The following CFAP251 variants were observed in gnomAD, a reference collection of about 807,000 sequenced individuals.
The protein encoded by CFAP251 is cilia and flagella associated protein 251.
CFAP251 carries 93 observed loss-of-function variants against 126.7 expected under a neutral mutation model. That is an observed-to-expected ratio of 0.73 (90% CI 0.62 to 0.87). CFAP251 has a LOEUF of 0.87. Among genes scored for constraint, CFAP251 ranks in the 40% least tolerant of loss-of-function variants. The pLI, the probability that CFAP251 is intolerant of heterozygous loss-of-function variation, is 0.00. For synonymous variants in CFAP251, 503 were observed against 506.9 expected (o/e 0.99, Z 0.10); for missense variants, 1,287 against 1,389.2 (o/e 0.93, Z 1.17).
At chr12:121,956,755 C>G (rs1881740848) in intron 10 of CFAP251, among the ~76,000 whole-genome samples, 1 of 152,182 alleles carries the variant, frequency 6.6e-6, no homozygotes, top group African/African-American at 2.4e-5. Context: ...CTTGGCCTCC[C>G]AAAGTGCTGG....
At chr12:121,967,958 G>T (rs777249815) in intron 16 of CFAP251, 48 bp from the exon 17 acceptor site, 3 of 1,544,328 alleles carry the variant, frequency 1.9e-6, no homozygotes, top group East Asian at 2.3e-5. Flanking sequence ...GGCCTCTCTC[G>T]GGCCCAGCTA....
intron 5 of CFAP251, among the ~76,000 whole-genome samples, chr12:121,939,517 G>A (rs899564798): frequency 1.3e-4 from 19 of 151,896 alleles, no homozygotes; most frequent in African/African-American, 3.9e-4. Context: ...GAGCTGCCCC[G>A]TTATGATGTG....
chr12:121,958,236 A>C, intron 11 of CFAP251, 36 bp from the exon 12 acceptor site: 1 of 1,609,806 alleles, frequency 6.2e-7, no homozygotes, highest in Non-Finnish European at 8.5e-7. Context: ...ATTCCCTGCA[A>C]ACACTGATAT....
intron 19 of CFAP251, among the ~76,000 whole-genome samples, chr12:121,985,874 G>A (rs1318224693): frequency 6.6e-6 from 1 of 152,160 alleles, no homozygotes; most frequent in African/African-American, 2.4e-5. Flanking sequence ...AGTGAGATTG[G>A]CCTGGTACTG....
At chr12:121,933,066 A>G (rs1880755029) in intron 4 of CFAP251, 1 of 152,286 alleles carries the variant, frequency 6.6e-6, no homozygotes, top group Non-Finnish European at 1.5e-5. Context: ...GTAGTAATGA[A>G]CAAAACAGAT....
At position 121,990,754 on chromosome 12, in the gene CFAP251, C is replaced by T. The variant is rs142701068; in HGVS notation, c.3007-8962C>T. ...GTATTTTTACACCTGATTTTTACAC[C>T]TGGGCCCCAGCCTTGTGCAACAGAA... On this transcript the variant is annotated intron_variant, in intron 19 of 21. Coordinates refer to ENST00000288912, the MANE Select transcript of CFAP251 (RefSeq NM_144668.6). Among the ~76,000 whole-genome samples, 1,091 of 152,270 alleles carry T rather than the reference C, an allele frequency of 7.2e-3. 13 individuals are homozygous for T. Among genetic ancestry groups the T allele is most frequent in the African/African-American group, 0.025 (1,034 of 41,544 alleles).
At chr12:121,967,108 T>C (rs762116541) in intron 16 of CFAP251, 39 bp downstream of exon 16, 18 of 1,561,162 alleles carry the variant, frequency 1.2e-5, no homozygotes, top group Non-Finnish European at 1.6e-5. Context: ...GAGTTGACTC[T>C]GTGTGTCATG....
chr12:121,938,093 C>A (rs966183756), intron 5 of CFAP251, among the ~76,000 whole-genome samples: 2 of 152,068 alleles, frequency 1.3e-5, no homozygotes, highest in African/African-American at 4.8e-5. Context: ...CAGCCTTGGC[C>A]TCCGAGGCTC....
chr12:121,999,784 C>CA lies in CFAP251; in HGVS notation c.3077dup (p.Asn1026LysfsTer11). ...ACACTGGAAAGCTAATCGACAAGATCAACTTACCAGATTTCCTAAAAGTGT... is the reference window on the plus strand; with the variant it reads ...ACACTGGAAAGCTAATCGACAAGATCAAACTTACCAGATTTCCTAAAAGTGT... On this transcript the variant is annotated frameshift_variant, in exon 20 of 22. Transcript: ENST00000288912. LOFTEE classifies it high-confidence loss of function. The CA allele has an allele frequency of 1.2e-6, 2 of 1,613,946 alleles. No homozygotes were observed. The highest frequency in any genetic ancestry group is 1.7e-6 in the Non-Finnish European group (2 of 1,179,936).
Position 121,970,415 on chromosome 12 carries a change from C to T in CFAP251, c.2771+2246C>T, listed in dbSNP as rs115237184. Among the ~76,000 whole-genome samples the T allele has an allele frequency of 2.6e-3, 400 of 152,274 alleles. 3 individuals carry two copies. Among genetic ancestry groups the T allele is most frequent in the African/African-American group, 9.0e-3 (372 of 41,554 alleles). On this transcript the variant is annotated intron_variant, in intron 17 of 21. Transcript: ENST00000288912. The stretch of plus-strand genomic sequence containing the variant: ...TAATCACTACCTGCTTGCTGGATGA[C>T]GCCAGGCAAGTCCCTTCACTTCTCG...
Position 121,957,317 on chromosome 12 carries a change from T to C in CFAP251, c.1730+49T>C, listed in dbSNP as rs752741867. 18 of 1,542,614 alleles carry C rather than the reference T, an allele frequency of 1.2e-5. 1 individual carries two copies. In the South Asian group the frequency reaches 1.9e-4, roughly 16 times the overall value. ...ATTAGAATGGTTGAAAAATGATCAC[T>C]GTCTTCTTTAGTTTGCATACAGTGG... On this transcript the variant is annotated intron_variant, in intron 11 of 21. Coordinates refer to ENST00000288912, the MANE Select transcript of CFAP251 (RefSeq NM_144668.6).
chr12:121,996,567 C>T (rs1426539913), intron 19 of CFAP251, among the ~76,000 whole-genome samples: 4 of 152,114 alleles, frequency 2.6e-5, no homozygotes, highest in Admixed American at 6.6e-5. Context: ...TAACTGGCCC[C>T]GCATTTCCAC....
chr12:121,958,123 A>C, intron 11 of CFAP251, 149 bp from the exon 12 acceptor site: 2 of 1,148,794 alleles, frequency 1.7e-6, no homozygotes, highest in Non-Finnish European at 2.5e-6. Flanking sequence ...GCTGTTGGGT[A>C]TTGGTGGTAT....
chr12:122,003,433 C>T (rs574394852), intron 21 of CFAP251, among the ~76,000 whole-genome samples: 4 of 151,880 alleles, frequency 2.6e-5, no homozygotes, highest in South Asian at 2.1e-4. Flanking sequence ...ATAAGCTGGG[C>T]GTGGTGGCGT....
At chr12:121,988,412 G>A (rs192204817) in intron 19 of CFAP251, among the ~76,000 whole-genome samples, 3 of 152,156 alleles carry the variant, frequency 2.0e-5, no homozygotes, top group Non-Finnish European at 2.9e-5. Flanking sequence ...TTCAACCACC[G>A]ATGTGCTTTC....
chr12:121,941,734 G>A (rs149474537), intron 5 of CFAP251, among the ~76,000 whole-genome samples: 3 of 152,286 alleles, frequency 2.0e-5, no homozygotes, highest in African/African-American at 7.2e-5. Flanking sequence ...TATTAGAGCA[G>A]TACCATGATG....
chr12:121,941,738 C>T lies in CFAP251; in HGVS notation c.999-796C>T, dbSNP rs1004433059. ...TTGATTTTTGCTATTAGAGCAGTAC[C>T]ATGATGACTGTGAATTTTCATTGAC... On this transcript the variant is annotated intron_variant, in intron 5 of 21. Transcript: ENST00000288912. Among the ~76,000 whole-genome samples the T allele has an allele frequency of 1.6e-4, 25 of 152,088 alleles. 1 individual carries two copies. The highest frequency in any genetic ancestry group is 5.8e-4 in the African/African-American group (24 of 41,390).
At chr12:121,939,216 C>T (rs1285452205) in intron 5 of CFAP251, among the ~76,000 whole-genome samples, 1 of 152,088 alleles carries the variant, frequency 6.6e-6, no homozygotes, top group Non-Finnish European at 1.5e-5. Context: ...CTGATTAAAA[C>T]CCTTTAGAGA....
At chr12:121,930,326 GA>G (rs1880631433) in intron 3 of CFAP251, among the ~76,000 whole-genome samples, 2 of 151,936 alleles carry the variant, frequency 1.3e-5, no homozygotes, top group South Asian at 4.2e-4. Context: ...GTTTCTACTA[GA>G]AATACAAAAA....
Sources: allele counts gnomAD v4.1 joint callset (sites outside exome capture counted in the v4.1 genomes callset), GRCh38; gene constraint gnomAD v4.1.1; transcripts MANE v1.5; gene names NCBI Gene and HGNC (gene_info 2026-07-23, HGNC 2026-07-21).